CSMD1: variants seen among roughly 807,000 people sequenced by gnomAD.
CSMD1 encodes the protein CUB and sushi domain-containing protein 1.
CSMD1 carries 213 observed loss-of-function variants against 417.5 expected under a neutral mutation model. The observed-to-expected ratio is 0.51, with a 90% confidence interval of 0.46 to 0.57. The LOEUF (loss-of-function observed/expected upper bound fraction) is 0.57. CSMD1 is among the 20% of genes least tolerant of loss of function. The pLI is 0.00. For synonymous variants in CSMD1, 2,862 were observed against 1,736.8 expected (o/e 1.65, Z -16.11); for missense variants, 6,923 against 4,529.7 (o/e 1.53, Z -15.17).
chr8:2,986,798 C>T (rs1045979089), intron 54 of CSMD1, among the ~76,000 whole-genome samples: 3 of 152,152 alleles, frequency 2.0e-5, no homozygotes, highest in South Asian at 2.1e-4. Context: ...GCCACCGCGC[C>T]CGGCTCTCTA....
chr8:4,943,891 G>T (rs1160363701), intron 1 of CSMD1, among the ~76,000 whole-genome samples: 5 of 152,296 alleles, frequency 3.3e-5, no homozygotes, highest in East Asian at 1.9e-4. Flanking sequence ...AACGCTTAAA[G>T]GTACGCAGAA....
chr8:4,028,630 C>T (rs1315967666), intron 4 of CSMD1, among the ~76,000 whole-genome samples: 2 of 152,102 alleles, frequency 1.3e-5, no homozygotes, highest in Admixed American at 6.5e-5. Flanking sequence ...GCTTACAATC[C>T]TAGATTAAAA....
At chr8:4,464,741 T>G (rs914773056) in intron 2 of CSMD1, among the ~76,000 whole-genome samples, 21 of 152,154 alleles carry the variant, frequency 1.4e-4, no homozygotes, top group African/African-American at 5.1e-4. Context: ...ATCATCAGCA[T>G]CCGTTGCTTT....
intron 5 of CSMD1, among the ~76,000 whole-genome samples, chr8:3,871,837 A>C (rs1805500964): frequency 6.6e-6 from 1 of 152,224 alleles, no homozygotes; most frequent in Non-Finnish European, 1.5e-5. Context: ...CTATTACACA[A>C]TTAGCTTGTG....
intron 3 of CSMD1, among the ~76,000 whole-genome samples, chr8:4,193,611 G>C (rs985908899): frequency 6.6e-6 from 1 of 152,104 alleles, no homozygotes; most frequent in Non-Finnish European, 1.5e-5. Flanking sequence ...GGCCCTCTGA[G>C]GAGCCAATGA....
At chr8:3,960,308 A>T (rs1160297193) in intron 5 of CSMD1, among the ~76,000 whole-genome samples, 3 of 152,208 alleles carry the variant, frequency 2.0e-5, no homozygotes, top group African/African-American at 7.2e-5. Flanking sequence ...TACTCTGCAA[A>T]CCTTTAAAGT....
intron 5 of CSMD1, among the ~76,000 whole-genome samples, chr8:3,898,834 T>C (rs950915872): frequency 9.2e-5 from 14 of 152,332 alleles, no homozygotes; most frequent in African/African-American, 3.1e-4. Flanking sequence ...CAATTATTTA[T>C]TGATTTCTCA....
intron 2 of CSMD1, among the ~76,000 whole-genome samples, chr8:4,609,012 G>T (rs1412460242): frequency 7.2e-6 from 1 of 138,326 alleles, no homozygotes. Flanking sequence ...CTTGAATGTA[G>T]AAAAAAAAAA....
intron 52 of CSMD1, among the ~76,000 whole-genome samples, chr8:3,006,068 G>A (rs1455824883): frequency 6.6e-6 from 1 of 151,664 alleles, no homozygotes; most frequent in African/African-American, 2.4e-5. Context: ...AGCAACTTCA[G>A]CAAAGTCTCA....
intron 5 of CSMD1, among the ~76,000 whole-genome samples, chr8:3,986,800 G>A (rs1038420635): frequency 6.6e-6 from 1 of 151,954 alleles, no homozygotes; most frequent in African/African-American, 2.4e-5. Flanking sequence ...CTGTTGCCCA[G>A]GCTGGAATGC....
intron 3 of CSMD1, among the ~76,000 whole-genome samples, chr8:4,186,222 G>C (rs1519170): frequency 0.14 from 21,879 of 152,038 alleles, 1,667 homozygotes; most frequent in Middle Eastern, 0.24. Context: ...AGCTCAGGAC[G>C]GCCAAACTGT....
chr8:3,882,321 G>C (rs981207740), intron 5 of CSMD1, among the ~76,000 whole-genome samples: 15 of 152,138 alleles, frequency 9.9e-5, no homozygotes, highest in African/African-American at 2.9e-4. Context: ...TTAGCAGTCA[G>C]ATAAATTCAA....
chr8:3,019,197 C>T (rs933417652), intron 51 of CSMD1, among the ~76,000 whole-genome samples: 5 of 152,306 alleles, frequency 3.3e-5, no homozygotes, highest in Admixed American at 1.3e-4. Flanking sequence ...GGATTACAGG[C>T]GTGAGCCACT....
At chr8:3,601,438 C>A (rs117471108) in intron 8 of CSMD1, among the ~76,000 whole-genome samples, 4,957 of 152,216 alleles carry the variant, frequency 0.033, 110 homozygotes, top group Non-Finnish European at 0.054. Flanking sequence ...AAAGCAAGCC[C>A]ATCTGTATTT....
chr8:4,017,121 C>G (rs1329582499), intron 4 of CSMD1, among the ~76,000 whole-genome samples: 1 of 152,180 alleles, frequency 6.6e-6, no homozygotes, highest in Non-Finnish European at 1.5e-5. Context: ...TTGCTGGACG[C>G]TCTCCATGCA....
intron 1 of CSMD1, among the ~76,000 whole-genome samples, chr8:4,705,332 C>A (rs899162558): frequency 2.0e-5 from 3 of 152,090 alleles, no homozygotes; most frequent in African/African-American, 7.2e-5. Flanking sequence ...TCTAGAGACT[C>A]CATTCTAAGA....
intron 8 of CSMD1, among the ~76,000 whole-genome samples, 178 bp downstream of exon 8, chr8:3,616,532 A>G (rs569685968): frequency 6.6e-4 from 100 of 152,288 alleles, no homozygotes; most frequent in Admixed American, 1.3e-3. Context: ...CTTTTAACAG[A>G]TTATAAACAA....
Position 3,586,155 on chromosome 8 carries a change from G to C in CSMD1, c.1203C>G (p.Asp401Glu). 1.2e-6 allele frequency: 2 copies of C among 1,612,766 alleles called. No homozygotes were observed. The highest frequency in any genetic ancestry group is 1.7e-6 in the Non-Finnish European group (2 of 1,179,394). ...CCTTACCTCGGCAGATGGGCCTGTG[G>C]TCACTCCAAGCAGCGAGCGTCTCTG... is the stretch of plus-strand genomic sequence containing the variant. ...RVTETLAAWS[D>E]HRPICRARTC... Residue 401 changes from aspartate to glutamate, a missense_variant, in exon 9 of 70, where the codon GAC becomes GAG. By Grantham distance (45) the Asp-to-Glu change is conservative. Transcript: ENST00000635120.
At chr8:4,059,149 C>T (rs1390477701) in intron 3 of CSMD1, among the ~76,000 whole-genome samples, 5 of 152,158 alleles carry the variant, frequency 3.3e-5, no homozygotes, top group South Asian at 2.1e-4. Context: ...CACTCAGAAC[C>T]GCTTAACTAC....
Sources: gnomAD v4.1 joint callset for allele counts (sites outside exome capture counted in the v4.1 genomes callset) on GRCh38, gnomAD v4.1.1 for gene constraint, MANE v1.5 for transcripts, NCBI Gene and HGNC (gene_info 2026-07-23, HGNC 2026-07-21) for gene names.